RIMS2: variants seen among roughly 807,000 people sequenced by gnomAD.
The protein encoded by RIMS2 is regulating synaptic membrane exocytosis 2, also known as regulating synaptic membrane exocytosis protein 2.
RIMS2 carries 59 observed loss-of-function variants against 174.4 expected under a neutral mutation model. The observed-to-expected ratio is 0.34, with a 90% CI of 0.27 to 0.42. RIMS2 has a LOEUF of 0.42. Ranked by LOEUF, RIMS2 falls within the 10% of genes least tolerant of loss-of-function variation. RIMS2 has a pLI of 1.00. For missense variants in RIMS2, 1,620 were observed against 1,666.3 expected, an observed-to-expected ratio of 0.97 and a Z score of 0.48; for synonymous variants, 606 against 572.5, an observed-to-expected ratio of 1.06 and a Z score of -0.84.
At chr8:104,237,355 C>T (rs2099264038) in intron 19 of RIMS2, among the ~76,000 whole-genome samples, 1 of 152,140 alleles carries the variant, frequency 6.6e-6, no homozygotes, top group Admixed American at 6.6e-5. Flanking sequence ...AAATTTATGT[C>T]TCACTCCCAC....
chr8:104,011,242 G>T (rs1425827625), intron 17 of RIMS2, among the ~76,000 whole-genome samples: 21 of 151,956 alleles, frequency 1.4e-4, no homozygotes, highest in Admixed American at 1.4e-3. Flanking sequence ...TTTAAAATGT[G>T]GTAGCTTTCC....
At chr8:103,957,350 C>T (rs1432245195) in intron 14 of RIMS2, among the ~76,000 whole-genome samples, 1 of 152,102 alleles carries the variant, frequency 6.6e-6, no homozygotes, top group Admixed American at 6.6e-5. Context: ...GGAACCAACC[C>T]AAATGCTCAT....
chr8:103,882,693 A>C (rs1384324261), intron 3 of RIMS2, among the ~76,000 whole-genome samples: 1 of 151,624 alleles, frequency 6.6e-6, no homozygotes, highest in Non-Finnish European at 1.5e-5. Flanking sequence ...TGGATTTAAC[A>C]TTGAATTCAA....
intron 17 of RIMS2, among the ~76,000 whole-genome samples, chr8:103,997,891 G>A (rs1320329593): frequency 6.7e-6 from 1 of 149,840 alleles, no homozygotes; most frequent in Non-Finnish European, 1.5e-5. Flanking sequence ...CATAAAAAAT[G>A]GTAAAGCATC....
chr8:103,682,609 T>C (rs964838455), intron 1 of RIMS2, among the ~76,000 whole-genome samples: 3 of 152,092 alleles, frequency 2.0e-5, no homozygotes, highest in Non-Finnish European at 4.4e-5. Context: ...AGGGAAGATA[T>C]GATCTTGGCA....
chr8:103,503,801 C>A (rs566552635), intron 1 of RIMS2, among the ~76,000 whole-genome samples: 2 of 151,934 alleles, frequency 1.3e-5, no homozygotes, highest in East Asian at 1.9e-4. Flanking sequence ...TACCTAGATG[C>A]ATATAATTTT....
chr8:103,759,872 A>T (rs1281997261), intron 2 of RIMS2, among the ~76,000 whole-genome samples: 1 of 152,168 alleles, frequency 6.6e-6, no homozygotes, highest in Non-Finnish European at 1.5e-5. Flanking sequence ...CAGACTATCG[A>T]TTGGATGAGC....
intron 19 of RIMS2, among the ~76,000 whole-genome samples, chr8:104,120,037 C>T (rs1220740342): frequency 6.6e-6 from 1 of 152,186 alleles, no homozygotes; most frequent in African/African-American, 2.4e-5. Flanking sequence ...AGAGACAGCA[C>T]TGAATTGCAT....
intron 2 of RIMS2, among the ~76,000 whole-genome samples, chr8:103,743,232 T>G (rs2097777278): frequency 6.6e-6 from 1 of 152,200 alleles, no homozygotes; most frequent in African/African-American, 2.4e-5. Flanking sequence ...CATTCTATAT[T>G]TCATGTATAT....
intron 1 of RIMS2, among the ~76,000 whole-genome samples, chr8:103,660,573 A>C (rs2096586877): frequency 6.6e-6 from 1 of 151,650 alleles, no homozygotes; most frequent in Admixed American, 6.6e-5. Flanking sequence ...CGGAATAAAC[A>C]TGCTGCTTCG....
intron 1 of RIMS2, among the ~76,000 whole-genome samples, chr8:103,567,070 C>A (rs1327935632): frequency 6.6e-6 from 1 of 152,168 alleles, no homozygotes; most frequent in Non-Finnish European, 1.5e-5. Flanking sequence ...TTCATATAAA[C>A]AGAACCATAC....
At chr8:104,255,995 C>T (rs2099366912), downstream of RIMS2, 1 of 152,224 alleles carries the variant, frequency 6.6e-6, no homozygotes, top group Non-Finnish European at 1.5e-5. Context: ...TAAATCAACA[C>T]TTTAACTAAA....
At chr8:104,055,653 TTAAC>T (rs1404888132) in intron 19 of RIMS2, among the ~76,000 whole-genome samples, 2 of 152,198 alleles carry the variant, frequency 1.3e-5, no homozygotes, top group Non-Finnish European at 2.9e-5. Flanking sequence ...GACTAACAAA[TTAAC>T]TAAGTTACTA....
chr8:103,721,263 G>A (rs1273355864), intron 2 of RIMS2, among the ~76,000 whole-genome samples: 1 of 152,074 alleles, frequency 6.6e-6, no homozygotes, highest in Non-Finnish European at 1.5e-5. Flanking sequence ...CATGCTTCCT[G>A]TACAGCCTGA....
intron 1 of RIMS2, among the ~76,000 whole-genome samples, chr8:103,576,174 T>G (rs1363872129): frequency 6.6e-6 from 1 of 152,164 alleles, no homozygotes; most frequent in African/African-American, 2.4e-5. Flanking sequence ...TATAAGGCTA[T>G]CCCCTTTGGG....
chr8:103,667,537 T>A (rs577084868), intron 1 of RIMS2, among the ~76,000 whole-genome samples: 6 of 152,304 alleles, frequency 3.9e-5, no homozygotes, highest in African/African-American at 1.4e-4. Flanking sequence ...GATATTAAAA[T>A]TTCTTGAACA....
intron 2 of RIMS2, among the ~76,000 whole-genome samples, chr8:103,760,627 A>G (rs73291820): frequency 0.019 from 2,860 of 152,238 alleles, 82 homozygotes; most frequent in African/African-American, 0.064. Flanking sequence ...TTCCAGACCT[A>G]TTGTAGATCT....
chr8:103,926,779 G>A (rs1328115717), intron 10 of RIMS2, among the ~76,000 whole-genome samples: 1 of 151,462 alleles, frequency 6.6e-6, no homozygotes, highest in Non-Finnish European at 1.5e-5. Context: ...ACCTGATTAT[G>A]TTCTGATTAA....
Position 103,936,548 on chromosome 8 carries a change from T to C in RIMS2, c.2376-3T>C, listed in dbSNP as rs2154535475. 1 of 1,539,456 alleles carries C rather than the reference T, an allele frequency of 6.5e-7. No individual in the cohort carries two copies. Among genetic ancestry groups the C allele is most frequent in the East Asian group, 2.4e-5 (1 of 42,462 alleles). ...GTTCATAATTCATTGTTTTTTTCCA[T>C]AGTGATAAAAACAAGAGAAGAACTA... is the stretch of plus-strand genomic sequence containing the variant. On this transcript the variant is annotated splice_polypyrimidine_tract_variant and splice_region_variant and intron_variant, in intron 12 of 23. Transcript: ENST00000504942.
Sources: gnomAD v4.1 joint callset for allele counts (sites outside exome capture counted in the v4.1 genomes callset) on GRCh38, gnomAD v4.1.1 for gene constraint, MANE v1.5 for transcripts, NCBI Gene and HGNC (gene_info 2026-07-23, HGNC 2026-07-21) for gene names.